The following SLC28A1 variants were observed in gnomAD, a reference collection of about 807,000 sequenced individuals.
SLC28A1 encodes the protein sodium/nucleoside cotransporter 1.
A neutral mutation model predicts 74.8 loss-of-function variants in SLC28A1; 64 were observed. The observed-to-expected ratio is 0.86, with a 90% CI of 0.70 to 1.05. The LOEUF (loss-of-function observed/expected upper bound fraction) is 1.05. SLC28A1 is among the 50% of genes least tolerant of loss of function. SLC28A1 has a pLI of 0.00. For missense variants in SLC28A1, 828 were observed against 822.8 expected (o/e 1.01, Z -0.08); for synonymous variants, 359 against 335.0 (o/e 1.07, Z -0.78).
chr15:84,899,027 C>T (rs1966317876), intron 6 of SLC28A1, among the ~76,000 whole-genome samples: 1 of 152,068 alleles, frequency 6.6e-6, no homozygotes, highest in Non-Finnish European at 1.5e-5. Context: ...AAGGAAACTA[C>T]CCTAGGGCTA....
At chr15:84,929,364 G>A (rs1213390147) in intron 12 of SLC28A1, among the ~76,000 whole-genome samples, 2 of 152,060 alleles carry the variant, frequency 1.3e-5, no homozygotes, top group Non-Finnish European at 2.9e-5. Flanking sequence ...GGGCAACATG[G>A]AGAAACCCTG....
intron 6 of SLC28A1, among the ~76,000 whole-genome samples, chr15:84,903,386 G>A (rs1350601082): frequency 6.6e-6 from 1 of 152,194 alleles, no homozygotes; most frequent in African/African-American, 2.4e-5. Flanking sequence ...AAAAGAACAT[G>A]TCTCTCGCAT....
intron 1 of SLC28A1, chr15:84,886,108 T>G (rs1964570716): frequency 2.0e-6 from 2 of 984,176 alleles, no homozygotes; most frequent in African/African-American, 3.5e-5. Flanking sequence ...CATTCAGCCC[T>G]TCGCTTTGCA....
At chr15:84,959,503 C>T in the SLC28A1 span, among the ~76,000 whole-genome samples, 3 of 151,866 alleles carry the variant, frequency 2.0e-5, no homozygotes, top group Non-Finnish European at 4.4e-5. Context: ...TTAGACCCTC[C>T]GAATTTATCT....
chr15:84,885,707 G>A (rs1964515743), intron 1 of SLC28A1, among the ~76,000 whole-genome samples: 3 of 140,782 alleles, frequency 2.1e-5, no homozygotes, highest in Admixed American at 7.5e-5. Flanking sequence ...CTCCAGCCTG[G>A]GCAACAAGAG....
chr15:84,886,107 C>G (rs1964570228), intron 1 of SLC28A1: 1 of 983,892 alleles, frequency 1.0e-6, no homozygotes, highest in Non-Finnish European at 1.2e-6. Flanking sequence ...GCATTCAGCC[C>G]TTCGCTTTGC....
chr15:84,916,240 CTT>C lies in SLC28A1; in HGVS notation c.796-2268_796-2267del, dbSNP rs34180316. Among the ~76,000 whole-genome samples, 27 of 98,388 alleles carry C rather than the reference CTT, an allele frequency of 2.7e-4. 1 individual carries two copies. Among genetic ancestry groups the C allele is most frequent in the Admixed American group, 6.9e-4 (7 of 10,192 alleles). The allele number at this position is 98,388 out of a possible 152,430, so 64.5% of individuals were successfully genotyped here. A position where few individuals can be genotyped will look rare whatever the true frequency, so the allele number is the denominator to read the frequency against. ...TCGGCCTCCCAAAGTGCTGGGATTA[CTT>C]TTTTTTTTTTTTTTTCAAACATGGG... On this transcript the variant is annotated intron_variant, in intron 9 of 18. Coordinates refer to ENST00000394573, the MANE Select transcript of SLC28A1 (RefSeq NM_004213.5).
chr15:84,956,240 C>A, the SLC28A1 span, among the ~76,000 whole-genome samples: 72 of 152,254 alleles, frequency 4.7e-4, no homozygotes, highest in Non-Finnish European at 7.5e-4. Context: ...ACCCCATATT[C>A]CATTTGTCCT....
the SLC28A1 span, among the ~76,000 whole-genome samples, chr15:84,956,464 T>TTTCC: frequency 8.3e-6 from 1 of 121,014 alleles, no homozygotes; most frequent in African/African-American, 3.5e-5. Context: ...TCTTTCTTTC[T>TTTCC]TTCCTTCTTT....
chr15:84,916,240 C>CAGGTGTGAGCCACCATGCCTGGCCCTT (rs1555449976), intron 9 of SLC28A1, among the ~76,000 whole-genome samples: 1 of 98,424 alleles, frequency 1.0e-5, no homozygotes. Context: ...GCTGGGATTA[C>CAGGTGTGAGCCACCATGCCTGGCCCTT]TTTTTTTTTT....
downstream of SLC28A1, among the ~76,000 whole-genome samples, chr15:84,946,539 G>A (rs148278801): frequency 4.6e-5 from 7 of 152,198 alleles, no homozygotes; most frequent in Admixed American, 2.6e-4. Flanking sequence ...AAGAGGCAGA[G>A]GCAGGATTTG....
At chr15:84,915,160 G>T (rs1968908654) in intron 9 of SLC28A1, among the ~76,000 whole-genome samples, 1 of 152,204 alleles carries the variant, frequency 6.6e-6, no homozygotes, top group Non-Finnish European at 1.5e-5. Flanking sequence ...ACCCGTGCTG[G>T]AGGTGTTTCT....
Position 84,933,269 on chromosome 15 carries a change from C to A in SLC28A1, c.1208C>A (p.Thr403Asn), listed in dbSNP as rs370097368. Residue 403 changes from threonine (T) to asparagine (N), a missense_variant, in exon 13 of 19, where the codon ACC becomes AAC. Around this residue, in one of 3 missense-constraint regions of SLC28A1, gnomAD observed 767 missense variants for 753.5 expected, o/e 1.02. Coordinates refer to ENST00000394573, the MANE Select transcript of SLC28A1 (RefSeq NM_004213.5). Reference protein sequence around the residue: ...KFRREEGVKLTYGDAQNLIEA... With the variant: ...KFRREEGVKLNYGDAQNLIEA... ...AGGAGGGAGGAAGGAGTGAAACTGA[C>A]CTATGGGTGAGCACAGCAGGAGGTC... The A allele has an allele frequency of 4.0e-5, 64 of 1,612,892 alleles. No individual in the cohort carries two copies. The highest frequency in any genetic ancestry group is 5.1e-5 in the Non-Finnish European group (60 of 1,179,432).
At chr15:84,945,064 C>A in intron 18 of SLC28A1, 61 bp from the exon 19 acceptor site, 1 of 1,460,278 alleles carries the variant, frequency 6.8e-7, no homozygotes, top group Non-Finnish European at 9.6e-7. Context: ...GTTGCACAGC[C>A]TGGTGGTGGC....
chr15:84,952,677 G>A, the SLC28A1 span, among the ~76,000 whole-genome samples: 1 of 152,112 alleles, frequency 6.6e-6, no homozygotes, highest in African/African-American at 2.4e-5. Context: ...CTTGAGCCCG[G>A]GAGTTTGAGA....
intron 1 of SLC28A1, among the ~76,000 whole-genome samples, chr15:84,885,256 C>A (rs541817989): frequency 1.3e-5 from 2 of 151,030 alleles, no homozygotes; most frequent in South Asian, 4.2e-4. Context: ...ACCGTGCCCC[C>A]CCTCTTTTTT....
At chr15:84,955,490 C>T in the SLC28A1 span, among the ~76,000 whole-genome samples, 3 of 152,152 alleles carry the variant, frequency 2.0e-5, no homozygotes, top group South Asian at 2.1e-4. Flanking sequence ...TTGGAACACT[C>T]GCGCTGCAGT....
the SLC28A1 span, among the ~76,000 whole-genome samples, chr15:84,952,043 C>T: frequency 6.6e-6 from 1 of 152,140 alleles, no homozygotes; most frequent in Non-Finnish European, 1.5e-5. Context: ...ACACAGTGAC[C>T]TGATCCACTG....
chr15:84,950,093 T>C (rs1215147890), downstream of SLC28A1, among the ~76,000 whole-genome samples: 1 of 152,130 alleles, frequency 6.6e-6, no homozygotes, highest in Admixed American at 6.6e-5. Flanking sequence ...AGCCAGGCGA[T>C]TGTCCCACAC....
Sources: gnomAD v4.1 joint callset for allele counts (sites outside exome capture counted in the v4.1 genomes callset) on GRCh38, gnomAD v4.1.1 for gene constraint, gnomAD v4.1.1 regional missense constraint, MANE v1.5 for transcripts, NCBI Gene and HGNC (gene_info 2026-07-23, HGNC 2026-07-21) for gene names.